ACAD11: variants seen among roughly 807,000 people sequenced by gnomAD.
The protein encoded by ACAD11 is acyl-CoA dehydrogenase family member 11.
In ACAD11, 83 loss-of-function variants were observed where a neutral mutation model predicts 102.2. The ratio of observed to expected loss-of-function variants is 0.81; its 90% CI spans 0.68 to 0.97. The LOEUF (loss-of-function observed/expected upper bound fraction) is 0.97, where lower values mean the gene tolerates loss of function less well. ACAD11 is among the 50% of genes least tolerant of loss of function. ACAD11 has a pLI of 0.00. For synonymous variants in ACAD11, 324 were observed against 319.8 expected (o/e 1.01, Z -0.14); for missense variants, 901 against 951.7 (o/e 0.95, Z 0.70).
At chr3:132,605,283 T>G in intron 11 of ACAD11, 78 bp from the exon 12 acceptor site, 1 of 898,520 alleles carries the variant, frequency 1.1e-6, no homozygotes, top group Non-Finnish European at 1.7e-6. Flanking sequence ...GTAGAGAGTA[T>G]AGAAATGCAT....
At chr3:132,603,149 T>C in intron 13 of ACAD11, 80 bp downstream of exon 13, 1 of 1,176,566 alleles carries the variant, frequency 8.5e-7, no homozygotes. Flanking sequence ...CTGATCACTA[T>C]GTATCATAGC....
At chr3:132,605,044 TAA>T (rs1281498139) in intron 12 of ACAD11, 52 bp downstream of exon 12, 2 of 1,390,064 alleles carry the variant, frequency 1.4e-6, no homozygotes, top group Admixed American at 1.8e-5. Flanking sequence ...AGCTCATCCA[TAA>T]TAACTCCGGG....
chr3:132,642,711 A>G lies in ACAD11; in HGVS notation c.341T>C (p.Ile114Thr). The G allele has an allele frequency of 6.2e-7, 1 of 1,611,564 alleles. No homozygotes were observed. Among genetic ancestry groups the G allele is most frequent in the Non-Finnish European group, 8.5e-7 (1 of 1,179,156 alleles). Residue 114 changes from isoleucine (I) to threonine (T), a missense_variant, in exon 3 of 20, where the codon ATT (isoleucine) becomes ACT (threonine). Physicochemically the swap from Ile to Thr is moderately conservative, Grantham distance 89. Transcript: ENST00000264990. Reference sequence around the variant, plus strand: ...TTCCATTACGTAAAATTCTGTTCCAATGACAGAAGTATCACTGCAGTACAG... The same window carrying G: ...TTCCATTACGTAAAATTCTGTTCCAGTGACAGAAGTATCACTGCAGTACAG... ...PILYCSDTSV[I>T]GTEFYVMEHV... is the part of the protein sequence containing the mutation.
intron 9 of ACAD11, among the ~76,000 whole-genome samples, chr3:132,625,951 C>T (rs1406818497): frequency 6.6e-6 from 1 of 152,166 alleles, no homozygotes; most frequent in Non-Finnish European, 1.5e-5. Flanking sequence ...AGAATAAAGC[C>T]ATTAGCATTT....
intron 11 of ACAD11, among the ~76,000 whole-genome samples, chr3:132,613,168 T>C (rs1419764005): frequency 2.0e-5 from 3 of 151,368 alleles, no homozygotes; most frequent in Admixed American, 6.6e-5. Flanking sequence ...TAGGTGGGAA[T>C]TGAACAATGA....
At chr3:132,613,255 T>C (rs1939246203) in intron 11 of ACAD11, among the ~76,000 whole-genome samples, 1 of 151,678 alleles carries the variant, frequency 6.6e-6, no homozygotes, top group African/African-American at 2.4e-5. Flanking sequence ...AGGGATAGCA[T>C]TAGGAGAGAT....
At chr3:132,589,504 T>C (rs1937986784) in intron 13 of ACAD11, among the ~76,000 whole-genome samples, 1 of 152,212 alleles carries the variant, frequency 6.6e-6, no homozygotes, top group Admixed American at 6.5e-5. Context: ...CTGGATATTT[T>C]TCTACTTGGG....
intron 9 of ACAD11, among the ~76,000 whole-genome samples, chr3:132,621,927 C>T (rs985705183): frequency 6.7e-6 from 1 of 148,270 alleles, no homozygotes; most frequent in East Asian, 2.0e-4. Context: ...TGCAGTGAGC[C>T]GAGATTGCCC....
chr3:132,611,567 A>C (rs943207305), intron 11 of ACAD11, among the ~76,000 whole-genome samples: 390 of 151,682 alleles, frequency 2.6e-3, no homozygotes, highest in African/African-American at 8.8e-3. Context: ...ACAAGCATTC[A>C]TATACACCAA....
rs199597510 is a variant in ACAD11 at position 132,641,698 on chromosome 3, G to GGAAGAAGAAGAAGAA, written c.537+259_537+273dup. Among the ~76,000 whole-genome samples, 604 of 116,632 alleles carry GGAAGAAGAAGAAGAA rather than the reference G, an allele frequency of 5.2e-3. 4 individuals are homozygous for GGAAGAAGAAGAAGAA. The highest frequency in any genetic ancestry group is 8.4e-3 in the Non-Finnish European group (495 of 58,802). The allele number at this position is 116,632 out of a possible 152,430, so 76.5% of individuals were successfully genotyped here. A position where few individuals can be genotyped will look rare whatever the true frequency, so the allele number is the denominator to read the frequency against. On this transcript the variant is annotated intron_variant, in intron 4 of 19. Transcript: ENST00000264990. Reference sequence around the variant, plus strand: ...AGGAAGAGGAAGAGGAAGAGGAAGAGGAAGAAGAAGAAGAAGAAGAAGAAG... The same window carrying GGAAGAAGAAGAAGAA: ...AGGAAGAGGAAGAGGAAGAGGAAGAGGAAGAAGAAGAAGAAGAAGAAGAAGAAGAAGAAGAAGAAG...
chr3:132,632,423 G>A (rs1940086122), intron 5 of ACAD11, among the ~76,000 whole-genome samples: 1 of 151,990 alleles, frequency 6.6e-6, no homozygotes, highest in South Asian at 2.1e-4. Context: ...CTGTACATAT[G>A]GCCAAAAAAT....
chr3:132,607,876 G>T (rs1938919334), intron 11 of ACAD11, among the ~76,000 whole-genome samples: 1 of 151,450 alleles, frequency 6.6e-6, no homozygotes, highest in African/African-American at 2.4e-5. Flanking sequence ...AGCCAGAGAG[G>T]TCAGGTTACC....
intron 13 of ACAD11, chr3:132,601,210 G>T: frequency 6.2e-7 from 1 of 1,613,688 alleles, no homozygotes; most frequent in Non-Finnish European, 8.5e-7. Flanking sequence ...TCTACTCCCT[G>T]ATCACCAGCT....
intron 13 of ACAD11, chr3:132,602,100 A>G (rs1344149849): frequency 6.0e-6 from 1 of 166,760 alleles, no homozygotes; most frequent in Non-Finnish European, 1.5e-5. Context: ...TAGTACTTGA[A>G]TAAGTATGCA....
At chr3:132,645,674 G>A (rs553162530) in intron 1 of ACAD11, among the ~76,000 whole-genome samples, 10 of 151,540 alleles carry the variant, frequency 6.6e-5, no homozygotes, top group Non-Finnish European at 1.0e-4. Flanking sequence ...GGAGAAAGTA[G>A]AAAAAAAAAT....
intron 9 of ACAD11, among the ~76,000 whole-genome samples, chr3:132,624,017 C>T (rs915752941): frequency 4.0e-5 from 6 of 151,054 alleles, no homozygotes; most frequent in East Asian, 1.9e-4. Flanking sequence ...CCCCCACCCC[C>T]GAAAAAAGAA....
intron 17 of ACAD11, among the ~76,000 whole-genome samples, chr3:132,566,176 A>G (rs1937203202): frequency 6.6e-6 from 1 of 152,084 alleles, no homozygotes; most frequent in African/African-American, 2.4e-5. Context: ...AACAGTTCAA[A>G]TAAAAAGCTC....
intron 11 of ACAD11, 79 bp downstream of exon 11, chr3:132,618,555 C>T: frequency 8.1e-7 from 1 of 1,233,454 alleles, no homozygotes; most frequent in Non-Finnish European, 1.1e-6. Context: ...TGTATAAAAA[C>T]ACATTCTTAT....
chr3:132,638,779 G>T lies in ACAD11; in HGVS notation c.702+713C>A, dbSNP rs544399309. Among the ~76,000 whole-genome samples the T allele has an allele frequency of 2.0e-5, 3 of 152,068 alleles. No individual in the cohort carries two copies. The South Asian group carries it at 6.2e-4, about 32-fold the overall frequency. On this transcript the variant is annotated intron_variant, in intron 5 of 19. Coordinates refer to ENST00000264990, the MANE Select transcript of ACAD11 (RefSeq NM_032169.5). ...GCATATTTAATTTTTCTAATCTCAGGGTAGATAATTAACAAGGTTAGAATT... is the reference window on the plus strand; with the variant it reads ...GCATATTTAATTTTTCTAATCTCAGTGTAGATAATTAACAAGGTTAGAATT...
Sources: gnomAD v4.1 joint callset for allele counts (sites outside exome capture counted in the v4.1 genomes callset) on GRCh38, gnomAD v4.1.1 for gene constraint, MANE v1.5 for transcripts, NCBI Gene and HGNC (gene_info 2026-07-23, HGNC 2026-07-21) for gene names.